The following LPP variants were observed in gnomAD, a reference collection of about 807,000 sequenced individuals.
LPP encodes the protein lipoma-preferred partner.
A neutral mutation model predicts 60.4 loss-of-function variants in LPP; 38 were observed. The observed-to-expected ratio is 0.63, with a 90% confidence interval of 0.49 to 0.83. The LOEUF (loss-of-function observed/expected upper bound fraction) is 0.83, where lower values mean the gene tolerates loss of function less well. Ranked by LOEUF, LPP falls within the 40% of genes least tolerant of loss-of-function variation. The probability of loss-of-function intolerance (pLI) is 0.00; values close to 1 mark genes in which losing one functional copy is unlikely to be tolerated. For synonymous variants in LPP, 328 were observed against 290.8 expected (o/e 1.13, Z -1.30); for missense variants, 902 against 783.6 (o/e 1.15, Z -1.80).
intron 9 of LPP, among the ~76,000 whole-genome samples, chr3:188,810,807 G>T (rs3846187): frequency 6.6e-6 from 1 of 151,980 alleles, no homozygotes; most frequent in African/African-American, 2.4e-5. Flanking sequence ...TATTGTATGG[G>T]TGGGAGTGGT....
Position 188,876,184 on chromosome 3 carries a change from G to T in LPP, c.*1705G>T, listed in dbSNP as rs1769235432. On this transcript the variant is annotated 3_prime_UTR_variant, in exon 12 of 12. Transcript: ENST00000617246. ...ATCAGAACTGAAATAAAAAATTATG[G>T]ATACGTGTTTTGAATTGCAAACTAT... 5.4e-6 allele frequency: 1 copy of T among 186,550 alleles called. No individual in the cohort carries two copies. Among genetic ancestry groups the T allele is most frequent in the African/African-American group, 2.3e-5 (1 of 42,632 alleles). The allele number at this position is 186,550 out of a possible 1,614,324, so 11.6% of individuals were successfully genotyped here.
chr3:188,175,999 C>T (rs1722936583), intron 1 of LPP, among the ~76,000 whole-genome samples: 1 of 152,126 alleles, frequency 6.6e-6, no homozygotes, highest in Non-Finnish European at 1.5e-5. Flanking sequence ...CCAGATGACC[C>T]AAGTTCATGC....
At chr3:188,324,042 T>C (rs1757685502) in intron 2 of LPP, among the ~76,000 whole-genome samples, 1 of 152,182 alleles carries the variant, frequency 6.6e-6, no homozygotes, top group Admixed American at 6.5e-5. Flanking sequence ...ATTGTTGTTG[T>C]TGTCGTTATT....
intron 9 of LPP, among the ~76,000 whole-genome samples, chr3:188,801,679 A>G (rs1020105818): frequency 6.6e-6 from 1 of 152,302 alleles, no homozygotes; most frequent in Non-Finnish European, 1.5e-5. Context: ...CTCTTAGTAC[A>G]GTGCACTTTT....
chr3:188,320,154 T>C (rs1362124473), intron 2 of LPP, among the ~76,000 whole-genome samples: 1 of 152,334 alleles, frequency 6.6e-6, no homozygotes, highest in Middle Eastern at 3.4e-3. Context: ...TTAATTGTGA[T>C]AGTGGCCAGT....
chr3:188,251,783 G>C (rs1729727115), intron 2 of LPP, among the ~76,000 whole-genome samples: 1 of 151,512 alleles, frequency 6.6e-6, no homozygotes, highest in African/African-American at 2.4e-5. Flanking sequence ...ATATCCCAAT[G>C]GTCATTATGT....
intron 2 of LPP, among the ~76,000 whole-genome samples, chr3:188,276,904 T>C (rs1026680530): frequency 4.5e-5 from 6 of 133,774 alleles, no homozygotes; most frequent in Non-Finnish European, 7.9e-5. Flanking sequence ...CTTTTTTTTT[T>C]TTTTTTTTTT....
At position 188,352,916 on chromosome 3, in the gene LPP, C is replaced by A. The variant is rs1578269612; in HGVS notation, c.-10+11197C>A. 1.3e-5 allele frequency among the ~76,000 whole-genome samples: 2 copies of A among 152,280 alleles called. No individual in the cohort carries two copies. The highest frequency in any genetic ancestry group is 3.9e-4 in the East Asian group (2 of 5,184). ...CCACTAACATGTCCATCCACAGAAA[C>A]TTTTCTGGGGGAGAATGTTTCTTAT... is the stretch of plus-strand genomic sequence containing the variant. On this transcript the variant is annotated intron_variant, in intron 3 of 11. Transcript: ENST00000617246. The surrounding 1 kb of genome is among the most constrained non-coding windows in gnomAD (Gnocchi z 4.4).
intron 4 of LPP, among the ~76,000 whole-genome samples, chr3:188,468,449 T>C (rs1800996205): frequency 6.6e-6 from 1 of 152,196 alleles, no homozygotes; most frequent in Admixed American, 6.5e-5. Flanking sequence ...GGAGGTGGTC[T>C]GGATTTGGCC....
At chr3:188,327,397 G>A (rs1758725277) in intron 2 of LPP, among the ~76,000 whole-genome samples, 1 of 152,210 alleles carries the variant, frequency 6.6e-6, no homozygotes, top group South Asian at 2.1e-4. Context: ...GCTAGGCACT[G>A]TATATAGTAA....
At chr3:188,317,518 T>A (rs1755442610) in intron 2 of LPP, among the ~76,000 whole-genome samples, 1 of 152,214 alleles carries the variant, frequency 6.6e-6, no homozygotes, top group African/African-American at 2.4e-5. Context: ...TGTACCTAAC[T>A]TATTAGGGCC....
intron 9 of LPP, among the ~76,000 whole-genome samples, chr3:188,782,790 G>T (rs985369500): frequency 1.3e-5 from 2 of 150,984 alleles, no homozygotes; most frequent in African/African-American, 4.9e-5. Context: ...TATAAGTTGT[G>T]ACCAGCCTTG....
chr3:188,265,218 T>G (rs908445348), intron 2 of LPP, among the ~76,000 whole-genome samples: 2 of 152,220 alleles, frequency 1.3e-5, no homozygotes, highest in Non-Finnish European at 2.9e-5. Context: ...TTGTTTTGTT[T>G]TATGTTTCTT....
intron 2 of LPP, among the ~76,000 whole-genome samples, chr3:188,314,822 TAAAC>T (rs990979131): frequency 6.6e-6 from 1 of 152,092 alleles, no homozygotes; most frequent in Non-Finnish European, 1.5e-5. Context: ...CATCTCAAAA[TAAAC>T]AAACAAACAA....
At chr3:188,239,511 C>T (rs372395972) in intron 2 of LPP, among the ~76,000 whole-genome samples, 124 of 152,218 alleles carry the variant, frequency 8.1e-4, no homozygotes, top group African/African-American at 2.1e-3. Flanking sequence ...TTCTTACTAT[C>T]GCTATTGGTT....
intron 1 of LPP, among the ~76,000 whole-genome samples, chr3:188,189,288 A>G (rs1009109858): frequency 3.9e-5 from 6 of 152,030 alleles, no homozygotes; most frequent in Non-Finnish European, 5.9e-5. Context: ...GGGTTTCACC[A>G]TGTTTCCCAG....
chr3:188,757,545 A>G (rs1730673639), intron 8 of LPP, among the ~76,000 whole-genome samples: 1 of 152,224 alleles, frequency 6.6e-6, no homozygotes, highest in South Asian at 2.1e-4. Context: ...CAATAGTTTA[A>G]TGAGAACTAC....
intron 7 of LPP, among the ~76,000 whole-genome samples, chr3:188,705,041 G>A (rs1311274643): frequency 6.6e-6 from 1 of 152,164 alleles, no homozygotes; most frequent in African/African-American, 2.4e-5. Flanking sequence ...TGGGTTGGAA[G>A]CTCCAGGATA....
At chr3:188,628,447 A>G (rs532745075) in intron 7 of LPP, among the ~76,000 whole-genome samples, 1 of 152,242 alleles carries the variant, frequency 6.6e-6, no homozygotes, top group East Asian at 1.9e-4. Context: ...AATACAAAAA[A>G]CCCTCAGCGA....
Sources: gnomAD v4.1 joint callset for allele counts (sites outside exome capture counted in the v4.1 genomes callset) on GRCh38, gnomAD v4.1.1 for gene constraint, Gnocchi (gnomAD v3.1) non-coding constraint, MANE v1.5 for transcripts, NCBI Gene and HGNC (gene_info 2026-07-23, HGNC 2026-07-21) for gene names.